LARGE1: variants seen among roughly 807,000 people sequenced by gnomAD.
LARGE1 encodes the protein LARGE xylosyl- and glucuronyltransferase 1.
A neutral mutation model predicts 87.6 loss-of-function variants in LARGE1; 43 were observed. The observed-to-expected ratio is 0.49, with a 90% CI of 0.38 to 0.63. The LOEUF (loss-of-function observed/expected upper bound fraction) is 0.63. Among genes scored for constraint, LARGE1 ranks in the 30% least tolerant of loss-of-function variants. LARGE1 has a pLI of 0.00. For synonymous variants in LARGE1, 434 were observed against 394.6 expected, an observed-to-expected ratio of 1.10 and a Z score of -1.18; for missense variants, 802 against 1,000.2, an observed-to-expected ratio of 0.80 and a Z score of 2.67.
intron 11 of LARGE1, among the ~76,000 whole-genome samples, chr22:33,263,864 C>T (rs759967621): frequency 2.6e-5 from 4 of 152,308 alleles, no homozygotes; most frequent in African/African-American, 7.2e-5. Flanking sequence ...AAGAGCACAG[C>T]GGTTAAGAAC....
At chr22:33,823,939 T>C (rs948003204) in intron 1 of LARGE1, among the ~76,000 whole-genome samples, 6 of 152,278 alleles carry the variant, frequency 3.9e-5, no homozygotes, top group African/African-American at 9.6e-5. Context: ...CTGTTAAGTG[T>C]CTACCAGTTA....
the LARGE1 span, among the ~76,000 whole-genome samples, chr22:33,141,202 A>T: frequency 2.0e-5 from 3 of 151,014 alleles, no homozygotes; most frequent in Non-Finnish European, 4.4e-5. Context: ...TCTCACACAC[A>T]CACACACACA....
chr22:33,691,014 G>C (rs1329501220), intron 2 of LARGE1, among the ~76,000 whole-genome samples: 1 of 152,206 alleles, frequency 6.6e-6, no homozygotes, highest in African/African-American at 2.4e-5. Context: ...ACCTACACCA[G>C]AGCTGGCAGG....
chr22:33,819,976 T>A (rs1225138333), intron 1 of LARGE1, among the ~76,000 whole-genome samples: 1 of 152,190 alleles, frequency 6.6e-6, no homozygotes, highest in Non-Finnish European at 1.5e-5. Context: ...TGGCTGGACA[T>A]CAGTGTCTAG....
intron 2 of LARGE1, among the ~76,000 whole-genome samples, chr22:33,674,010 T>C (rs539590344): frequency 3.3e-5 from 5 of 151,914 alleles, no homozygotes; most frequent in East Asian, 1.9e-4. Context: ...GGTTTTGCCA[T>C]GTTGGCCAGG....
intron 7 of LARGE1, among the ~76,000 whole-genome samples, chr22:33,400,441 C>T (rs920055813): frequency 3.9e-5 from 6 of 152,144 alleles, no homozygotes; most frequent in African/African-American, 1.4e-4. Flanking sequence ...ATACCAGCTA[C>T]CGAAAAATGG....
chr22:33,894,678 C>T (rs754826185), intron 1 of LARGE1, among the ~76,000 whole-genome samples: 3 of 152,056 alleles, frequency 2.0e-5, no homozygotes, highest in South Asian at 2.1e-4. Context: ...AGTTCTCATC[C>T]TTGTCTGGAC....
intron 1 of LARGE1, among the ~76,000 whole-genome samples, chr22:33,813,158 C>G (rs868131899): frequency 9.2e-5 from 14 of 151,690 alleles, no homozygotes; most frequent in African/African-American, 2.9e-4. Context: ...GAGCTCGAGA[C>G]TAGCCTGGCC....
intron 11 of LARGE1, among the ~76,000 whole-genome samples, chr22:33,225,771 C>A (rs1017188171): frequency 2.0e-5 from 3 of 152,120 alleles, no homozygotes; most frequent in African/African-American, 7.2e-5. Context: ...TCTATGTGTT[C>A]TCATCATTTA....
intron 6 of LARGE1, among the ~76,000 whole-genome samples, chr22:33,455,375 A>G (rs1050610893): frequency 6.6e-6 from 1 of 152,170 alleles, no homozygotes; most frequent in Non-Finnish European, 1.5e-5. Context: ...TGAGAACTCT[A>G]ATATTATGTA....
chr22:33,183,794 G>A (rs1434726762), intron 11 of LARGE1, among the ~76,000 whole-genome samples: 2 of 151,972 alleles, frequency 1.3e-5, no homozygotes, highest in South Asian at 2.1e-4. Flanking sequence ...CTATTTGGAC[G>A]CTAAAAAGTC....
At chr22:33,208,906 C>CT (rs1429392915) in intron 11 of LARGE1, among the ~76,000 whole-genome samples, 1 of 152,154 alleles carries the variant, frequency 6.6e-6, no homozygotes, top group African/African-American at 2.4e-5. Flanking sequence ...TGAACTGATT[C>CT]TTTTTTATGG....
intron 10 of LARGE1, among the ~76,000 whole-genome samples, chr22:33,326,509 C>CT (rs1307779312): frequency 6.6e-6 from 1 of 152,170 alleles, no homozygotes; most frequent in Non-Finnish European, 1.5e-5. Flanking sequence ...ATTGATTCCT[C>CT]TTAAGTCTAT....
intron 1 of LARGE1, among the ~76,000 whole-genome samples, chr22:33,902,213 A>G (rs1006201067): frequency 2.6e-5 from 4 of 152,192 alleles, no homozygotes; most frequent in Non-Finnish European, 5.9e-5. Flanking sequence ...ACACACAAAA[A>G]AACAAGACGA....
intron 5 of LARGE1, among the ~76,000 whole-genome samples, chr22:33,579,506 G>A (rs891699370): frequency 1.3e-5 from 2 of 152,170 alleles, no homozygotes; most frequent in African/African-American, 2.4e-5. Flanking sequence ...TGTACATTAC[G>A]GAGGGTCCTG....
rs889000183 is a variant in LARGE1, at chr22:33,891,430, T to A, written c.-83+28565A>T. ...ACTATGTGCAAGGCACCATGCTATGTGCTAGCCATAAAAAAAAAAAAAACT... is the reference window on the plus strand; with the variant it reads ...ACTATGTGCAAGGCACCATGCTATGAGCTAGCCATAAAAAAAAAAAAAACT... On this transcript the variant is annotated intron_variant, in intron 1 of 14. Transcript: ENST00000397394. Among the ~76,000 whole-genome samples the A allele has an allele frequency of 7.1e-5, 8 of 113,256 alleles. No homozygotes were observed. The East Asian group carries it at 2.3e-3, about 33-fold the overall frequency. The allele number at this position is 113,256 out of a possible 152,430, so 74.3% of individuals were successfully genotyped here.
chr22:33,449,199 C>T (rs1468978838), intron 6 of LARGE1, among the ~76,000 whole-genome samples: 1 of 152,110 alleles, frequency 6.6e-6, no homozygotes, highest in Non-Finnish European at 1.5e-5. Flanking sequence ...GCCCGAGATC[C>T]AAGCTATAGA....
At chr22:33,127,005 A>G in the LARGE1 span, among the ~76,000 whole-genome samples, 4 of 152,168 alleles carry the variant, frequency 2.6e-5, no homozygotes, top group Non-Finnish European at 5.9e-5. Flanking sequence ...TCTTTGCACT[A>G]TTCCTTCCTG....
At chr22:33,785,333 C>A (rs962204994) in intron 1 of LARGE1, among the ~76,000 whole-genome samples, 14 of 151,850 alleles carry the variant, frequency 9.2e-5, no homozygotes, top group Admixed American at 7.9e-4. Context: ...AATTAGCCAT[C>A]CATTTTATGA....
Sources: gnomAD v4.1 joint callset for allele counts (sites outside exome capture counted in the v4.1 genomes callset) on GRCh38, gnomAD v4.1.1 for gene constraint, MANE v1.5 for transcripts, NCBI Gene and HGNC (gene_info 2026-07-23, HGNC 2026-07-21) for gene names.